The following TMEM74 variants were observed in gnomAD, a reference collection of about 807,000 sequenced individuals.
TMEM74 encodes the protein transmembrane protein 74.
Under a neutral mutation model 18.1 loss-of-function variants are expected in TMEM74, and 13 were observed. The observed-to-expected ratio is 0.72, with a 90% CI of 0.47 to 1.14. TMEM74 has a LOEUF of 1.14. TMEM74 is among the 50% of genes most tolerant of loss of function. TMEM74 has a pLI of 0.00. For missense variants in TMEM74, 372 were observed against 375.9 expected (o/e 0.99, Z 0.09); for synonymous variants, 159 against 146.6 (o/e 1.08, Z -0.61).
At chr8:108,609,655 C>A (rs1286582513) in intron 2 of TMEM74, among the ~76,000 whole-genome samples, 1 of 152,026 alleles carries the variant, frequency 6.6e-6, no homozygotes, top group East Asian at 1.9e-4. Context: ...AATTCAGAAG[C>A]TTGGACATGA....
At chr8:108,614,752 T>C (rs569317579) in intron 2 of TMEM74, among the ~76,000 whole-genome samples, 4 of 152,200 alleles carry the variant, frequency 2.6e-5, no homozygotes, top group African/African-American at 9.6e-5. Flanking sequence ...CAGGTGGGCA[T>C]TGAGTGTTAC....
rs146568672 is a variant in TMEM74, at chr8:108,673,282, G to A, written n.120-17845C>T. ...GGGTAAGATTCTTCTGTGGTAGTCA[G>A]TACCTGCCTTGTATTATGACTACAC... On this transcript the variant is annotated intron_variant and non_coding_transcript_variant, in intron 1 of 3. Coordinates refer to the TMEM74 transcript ENST00000518838. Among the ~76,000 whole-genome samples the A allele has an allele frequency of 1.3e-3, 192 of 152,302 alleles. 2 individuals are homozygous for A. The highest frequency in any genetic ancestry group is 2.4e-3 in the Non-Finnish European group (162 of 68,030).
intron 1 of TMEM74, among the ~76,000 whole-genome samples, chr8:108,717,978 A>T (rs1236994835): frequency 7.0e-5 from 2 of 28,558 alleles, no homozygotes; most frequent in Non-Finnish European, 6.2e-5. Flanking sequence ...TTTTTTTTTG[A>T]GACGGAGTCT....
intron 1 of TMEM74, among the ~76,000 whole-genome samples, chr8:108,680,526 A>G (rs1318123162): frequency 1.3e-5 from 2 of 152,234 alleles, no homozygotes; most frequent in Non-Finnish European, 2.9e-5. Context: ...TCAAAATAAT[A>G]AGAGCTATCT....
At chr8:108,760,757 T>G (rs1464951295) in intron 1 of TMEM74, among the ~76,000 whole-genome samples, 3 of 152,006 alleles carry the variant, frequency 2.0e-5, no homozygotes, top group Non-Finnish European at 4.4e-5. Context: ...GGTACAGCGA[T>G]GTAACCCTAC....
chr8:108,759,557 C>T (rs894905579), intron 1 of TMEM74, among the ~76,000 whole-genome samples: 22 of 152,004 alleles, frequency 1.4e-4, no homozygotes, highest in Non-Finnish European at 3.1e-4. Context: ...GGGTAGCTCT[C>T]TAATGGCTGA....
downstream of TMEM74, among the ~76,000 whole-genome samples, chr8:108,777,441 G>A (rs752133049): frequency 9.9e-5 from 15 of 152,024 alleles, no homozygotes; most frequent in African/African-American, 3.1e-4. Context: ...TCTCATTAGG[G>A]GTAAGAAGTA....
intron 3 of TMEM74, among the ~76,000 whole-genome samples, chr8:108,608,262 A>T (rs1317724128): frequency 3.4e-5 from 5 of 147,280 alleles, no homozygotes; most frequent in Non-Finnish European, 7.4e-5. Flanking sequence ...AGATTGTGCC[A>T]TTGCACTCCA....
chr8:108,660,994 T>C (rs1812894545), intron 1 of TMEM74, among the ~76,000 whole-genome samples: 1 of 152,122 alleles, frequency 6.6e-6, no homozygotes, highest in Non-Finnish European at 1.5e-5. Flanking sequence ...TGGTTTAGTA[T>C]TAAAAAGCAA....
intron 1 of TMEM74, among the ~76,000 whole-genome samples, chr8:108,662,413 C>T (rs905169208): frequency 6.6e-6 from 1 of 152,092 alleles, no homozygotes; most frequent in Admixed American, 6.6e-5. Context: ...GGAAAGGCAG[C>T]AACTACTACA....
chr8:108,700,130 G>GGTGTGTGTGTGT (rs3049748), intron 1 of TMEM74, among the ~76,000 whole-genome samples: 2,201 of 143,124 alleles, frequency 0.015, 22 homozygotes, highest in South Asian at 0.023. Flanking sequence ...GGCCATAAAT[G>GGTGTGTGTGTGT]GTGTGTGTGT....
chr8:108,669,691 T>A (rs116936361), intron 1 of TMEM74, among the ~76,000 whole-genome samples: 1 of 152,144 alleles, frequency 6.6e-6, no homozygotes, highest in African/African-American at 2.4e-5. Flanking sequence ...CAGTCACAAA[T>A]CAGAGGGAAG....
chr8:108,744,282 C>T (rs1263073355), intron 1 of TMEM74, among the ~76,000 whole-genome samples: 1 of 151,906 alleles, frequency 6.6e-6, no homozygotes, highest in African/African-American at 2.4e-5. Context: ...ATAACCAAAA[C>T]AAAACAAGAC....
rs568587284 is a variant in TMEM74 at position 108,728,609 on chromosome 8, G to A, written n.119+58867C>T. Among the ~76,000 whole-genome samples, 5 of 152,182 alleles carry A rather than the reference G, an allele frequency of 3.3e-5. No individual in the cohort carries two copies. The South Asian group carries it at 1.0e-3, about 32-fold the overall frequency. ...TATTGCTATTCATTCAATTTAGCAA[G>A]GTATAACTATATTCAGGAAGGCTAG... On this transcript the variant is annotated intron_variant and non_coding_transcript_variant, in intron 1 of 3. Transcript: ENST00000518838.
chr8:108,697,432 T>G (rs952328271), intron 1 of TMEM74, among the ~76,000 whole-genome samples: 3 of 152,182 alleles, frequency 2.0e-5, no homozygotes, highest in Non-Finnish European at 4.4e-5. Context: ...ATTTTATGTT[T>G]TTGGAGACAG....
intron 1 of TMEM74, among the ~76,000 whole-genome samples, chr8:108,658,464 G>A (rs967380479): frequency 1.6e-4 from 24 of 152,064 alleles, no homozygotes; most frequent in Non-Finnish European, 2.9e-4. Flanking sequence ...AAATGAGTGG[G>A]TCTCTAAAGA....
chr8:108,631,877 G>A (rs917485958), intron 2 of TMEM74, among the ~76,000 whole-genome samples: 1 of 151,704 alleles, frequency 6.6e-6, no homozygotes, highest in African/African-American at 2.4e-5. Context: ...GGTGTAGATA[G>A]TTAGATTAAA....
intron 1 of TMEM74, among the ~76,000 whole-genome samples, chr8:108,696,977 T>G (rs1813286932): frequency 6.6e-6 from 1 of 152,198 alleles, no homozygotes; most frequent in Admixed American, 6.5e-5. Context: ...GCAGATTCCG[T>G]CTTCACCTAC....
intron 1 of TMEM74, among the ~76,000 whole-genome samples, chr8:108,761,978 T>C (rs1814049903): frequency 6.6e-6 from 1 of 152,194 alleles, no homozygotes; most frequent in South Asian, 2.1e-4. Flanking sequence ...CTCCACCTAA[T>C]GCAATCCCTC....
Sources: gnomAD v4.1 joint callset for allele counts (sites outside exome capture counted in the v4.1 genomes callset) on GRCh38, gnomAD v4.1.1 for gene constraint, MANE v1.5 for transcripts, NCBI Gene and HGNC (gene_info 2026-07-23, HGNC 2026-07-21) for gene names.